Variants in PIK3C2G observed in about 807,000 individuals in gnomAD.
PIK3C2G encodes the protein phosphatidylinositol 3-kinase C2 domain-containing subunit gamma.
A neutral mutation model predicts 181.1 loss-of-function variants in PIK3C2G; 168 were observed. The observed-to-expected ratio is 0.93, with a 90% CI of 0.82 to 1.05. The LOEUF is 1.05. Ranked by LOEUF, PIK3C2G falls within the 50% of genes least tolerant of loss-of-function variation. The pLI is 0.00. For synonymous variants in PIK3C2G, 573 were observed against 592.2 expected (o/e 0.97, Z 0.47); for missense variants, 1,869 against 1,732.8 (o/e 1.08, Z -1.40).
At chr12:18,362,217 T>G (rs531950091) in intron 11 of PIK3C2G, among the ~76,000 whole-genome samples, 3 of 152,298 alleles carry the variant, frequency 2.0e-5, no homozygotes, top group African/African-American at 7.2e-5. Flanking sequence ...AAAACCATCA[T>G]CTTTGTTTTC....
At chr12:18,513,329 T>C (rs1370548036) in intron 24 of PIK3C2G, among the ~76,000 whole-genome samples, 2 of 151,726 alleles carry the variant, frequency 1.3e-5, no homozygotes, top group Non-Finnish European at 3.0e-5. Flanking sequence ...TTTGAAAGAA[T>C]TTCTTCTATT....
chr12:18,655,069 G>A, the PIK3C2G span, among the ~76,000 whole-genome samples: 3 of 151,122 alleles, frequency 2.0e-5, no homozygotes, highest in Admixed American at 2.0e-4. Flanking sequence ...AAAAATACCA[G>A]AGGCTTTTGA....
At position 18,288,331 on chromosome 12, in the gene PIK3C2G, T is replaced by C. The variant is rs572306766; in HGVS notation, c.761+1402T>C. On this transcript the variant is annotated intron_variant, in intron 3 of 32. Coordinates refer to ENST00000538779, the MANE Select transcript of PIK3C2G (RefSeq NM_001288772.2). ...TTTGAATCATTTATTTAATCATTCATTTAAAGTCTGTTTCATTGTCTAATA... is the reference window on the plus strand; with the variant it reads ...TTTGAATCATTTATTTAATCATTCACTTAAAGTCTGTTTCATTGTCTAATA... 1.1e-3 allele frequency among the ~76,000 whole-genome samples: 170 copies of C among 152,346 alleles called. 2 individuals are homozygous for C. Among genetic ancestry groups the C allele is most frequent in the African/African-American group, 3.9e-3 (162 of 41,586 alleles).
the PIK3C2G span, among the ~76,000 whole-genome samples, chr12:18,719,227 A>G: frequency 6.6e-6 from 1 of 152,176 alleles, no homozygotes; most frequent in Non-Finnish European, 1.5e-5. Flanking sequence ...AGCATATGAT[A>G]CTAATGCATA....
At chr12:18,710,037 T>C in the PIK3C2G span, among the ~76,000 whole-genome samples, 1 of 151,958 alleles carries the variant, frequency 6.6e-6, no homozygotes, top group Admixed American at 6.6e-5. Flanking sequence ...CATTTATGAG[T>C]TCTAACAGGG....
At chr12:18,614,551 G>A (rs894549240) in intron 31 of PIK3C2G, among the ~76,000 whole-genome samples, 1 of 152,036 alleles carries the variant, frequency 6.6e-6, no homozygotes, top group African/African-American at 2.4e-5. Context: ...CTATTTCTGA[G>A]GCTTCCTTGG....
At chr12:18,693,268 T>C in the PIK3C2G span, 5 of 1,517,210 alleles carry the variant, frequency 3.3e-6, no homozygotes, top group Non-Finnish European at 4.6e-6. Context: ...GGGGTGCTGA[T>C]GGATGACATG....
chr12:18,691,161 C>T, the PIK3C2G span, among the ~76,000 whole-genome samples: 3 of 152,030 alleles, frequency 2.0e-5, no homozygotes, highest in East Asian at 1.9e-4. Flanking sequence ...CAGAATTTAA[C>T]GTTGGTCTGG....
At chr12:18,647,294 AAG>A (rs1220772681) in intron 32 of PIK3C2G, among the ~76,000 whole-genome samples, 1 of 152,004 alleles carries the variant, frequency 6.6e-6, no homozygotes, top group Non-Finnish European at 1.5e-5. Context: ...GAGATTCCAA[AAG>A]AGAGAAGAAA....
intron 29 of PIK3C2G, among the ~76,000 whole-genome samples, chr12:18,576,991 CTGCT>C (rs1946262307): frequency 6.6e-6 from 1 of 152,176 alleles, no homozygotes; most frequent in South Asian, 2.1e-4. Flanking sequence ...TGTGCAACAA[CTGCT>C]GAAATTGTCA....
At chr12:18,245,119 G>A (rs1025199882), upstream of PIK3C2G, among the ~76,000 whole-genome samples, 1 of 152,008 alleles carries the variant, frequency 6.6e-6, no homozygotes, top group Non-Finnish European at 1.5e-5. Flanking sequence ...TATCTTAGAA[G>A]CCTCAATTGA....
At chr12:18,710,860 C>T in the PIK3C2G span, among the ~76,000 whole-genome samples, 9 of 152,004 alleles carry the variant, frequency 5.9e-5, no homozygotes, top group Non-Finnish European at 5.9e-5. Context: ...GTTAGAATGG[C>T]GATCATTAAA....
chr12:18,678,386 G>A, the PIK3C2G span, among the ~76,000 whole-genome samples: 8 of 151,914 alleles, frequency 5.3e-5, no homozygotes, highest in East Asian at 1.2e-3. Flanking sequence ...AAAGCTTCAC[G>A]TTTGAAGTAT....
chr12:18,289,146 A>T (rs1254813409), intron 3 of PIK3C2G, among the ~76,000 whole-genome samples: 2 of 152,180 alleles, frequency 1.3e-5, no homozygotes, highest in South Asian at 2.1e-4. Context: ...ATGTTTGAGG[A>T]CCTAGTATGT....
chr12:18,723,368 C>T, the PIK3C2G span: 10 of 1,612,952 alleles, frequency 6.2e-6, no homozygotes, highest in Non-Finnish European at 8.5e-6. Context: ...TTACTCATCT[C>T]AGCTGCATAT....
At chr12:18,244,343 G>A (rs1948016991), upstream of PIK3C2G, among the ~76,000 whole-genome samples, 1 of 151,892 alleles carries the variant, frequency 6.6e-6, no homozygotes, top group Non-Finnish European at 1.5e-5. Context: ...CAAACCATTA[G>A]TAGAAAATAA....
intron 5 of PIK3C2G, among the ~76,000 whole-genome samples, chr12:18,296,687 T>C (rs1417440700): frequency 6.6e-6 from 1 of 152,116 alleles, no homozygotes; most frequent in African/African-American, 2.4e-5. Flanking sequence ...AAAGCTTTTC[T>C]CTCAATTAAA....
intron 11 of PIK3C2G, among the ~76,000 whole-genome samples, chr12:18,350,680 C>A (rs890218322): frequency 5.3e-5 from 8 of 152,148 alleles, no homozygotes; most frequent in African/African-American, 1.9e-4. Flanking sequence ...GGGAAACAGG[C>A]ACAATCTCTC....
chr12:18,323,889 A>G (rs1446622607), intron 7 of PIK3C2G, among the ~76,000 whole-genome samples: 2 of 151,820 alleles, frequency 1.3e-5, no homozygotes, highest in Non-Finnish European at 2.9e-5. Flanking sequence ...AAGTGGGTGC[A>G]TTCTTGGTGG....
Sources: allele counts gnomAD v4.1 joint callset (sites outside exome capture counted in the v4.1 genomes callset), GRCh38; gene constraint gnomAD v4.1.1; transcripts MANE v1.5; gene names NCBI Gene and HGNC (gene_info 2026-07-23, HGNC 2026-07-21).